The following DIXDC1 variants were observed in gnomAD, a reference collection of about 807,000 sequenced individuals.
DIXDC1 encodes DIX domain containing 1.
Under a neutral mutation model 103.1 loss-of-function variants are expected in DIXDC1, and 64 were observed. The ratio of observed to expected loss-of-function variants is 0.62; its 90% CI spans 0.51 to 0.76. The LOEUF is 0.76. Ranked by LOEUF, DIXDC1 falls within the 30% of genes least tolerant of loss-of-function variation. The pLI is 0.00. For missense variants in DIXDC1, 759 were observed against 834.2 expected (o/e 0.91, Z 1.11); for synonymous variants, 266 against 298.5 (o/e 0.89, Z 1.12).
rs587665361 is a variant in DIXDC1 at position 112,019,513 on chromosome 11, C to G, written c.*477C>G. 3.3e-5 allele frequency: 5 copies of G among 153,254 alleles called. No homozygotes were observed. The highest frequency in any genetic ancestry group is 1.2e-4 in the African/African-American group (5 of 41,576). 9.5% of individuals were successfully genotyped at this position (153,254 alleles called of 1,614,324 possible). ...CTTTTCTGTTTCTTTGAACCTACTG[C>G]AAACCAAGAATAACTCATGAGGTGG... On this transcript the variant is annotated 3_prime_UTR_variant, in exon 20 of 20. Coordinates refer to ENST00000440460, the MANE Select transcript of DIXDC1 (RefSeq NM_001037954.4).
intron 1 of DIXDC1, among the ~76,000 whole-genome samples, chr11:111,963,847 C>T (rs1555171251): frequency 6.6e-6 from 1 of 152,220 alleles, no homozygotes; most frequent in Non-Finnish European, 1.5e-5. Context: ...GAAAATGCCT[C>T]TTAGTCTTCA....
intron 17 of DIXDC1, among the ~76,000 whole-genome samples, chr11:112,011,352 G>T (rs1196127494): frequency 3.9e-5 from 6 of 152,222 alleles, no homozygotes; most frequent in Admixed American, 3.9e-4. Context: ...TTACACTGTT[G>T]ATGGAAGTGT....
At chr11:111,932,317 C>T (rs1008124810) in intron 2 of DIXDC1, among the ~76,000 whole-genome samples, 1 of 151,520 alleles carries the variant, frequency 6.6e-6, no homozygotes, top group East Asian at 1.9e-4. Flanking sequence ...GGATTACAGG[C>T]GTGAGCCACC....
At position 111,993,752 on chromosome 11, in the gene DIXDC1, C is replaced by T. The variant is rs1555174927; in HGVS notation, c.1437+12C>T. On this transcript the variant is annotated intron_variant, in intron 14 of 19. Coordinates refer to ENST00000440460, the MANE Select transcript of DIXDC1 (RefSeq NM_001037954.4). The stretch of plus-strand genomic sequence containing the variant: ...GAGAGGCAGATGAGGTAACCTAGAC[C>T]CCGTGTTCTCCCTCCCACATTTATG... 1.2e-6 allele frequency: 2 copies of T among 1,613,238 alleles called. No individual in the cohort carries two copies. Among genetic ancestry groups the T allele is most frequent in the African/African-American group, 1.3e-5 (1 of 75,028 alleles).
At chr11:111,964,499 G>T in intron 1 of DIXDC1, 50 bp from the exon 2 acceptor site, 1 of 1,554,244 alleles carries the variant, frequency 6.4e-7, no homozygotes, top group Non-Finnish European at 8.7e-7. Context: ...TGAGGTAAGG[G>T]TTGAGATTAA....
At chr11:111,928,001 G>A (rs1396253300) in intron 1 of DIXDC1, among the ~76,000 whole-genome samples, 1 of 111,532 alleles carries the variant, frequency 9.0e-6, no homozygotes, top group Admixed American at 1.2e-4. Context: ...GGGGGACACA[G>A]CAAGACTCCA....
At chr11:111,992,635 C>A in intron 11 of DIXDC1, 116 bp downstream of exon 11, 2 of 892,038 alleles carry the variant, frequency 2.2e-6, no homozygotes, top group Non-Finnish European at 3.4e-6. Context: ...GGGATGCCTG[C>A]CTTAAGTGTC....
intron 1 of DIXDC1, among the ~76,000 whole-genome samples, chr11:111,941,069 C>T (rs940884515): frequency 1.3e-5 from 2 of 152,090 alleles, no homozygotes; most frequent in African/African-American, 4.8e-5. Context: ...GTGCTGTGAC[C>T]GCACGTGACT....
Position 111,974,253 on chromosome 11 carries a change from A to C in DIXDC1, c.547A>C (p.Arg183=). ...SGRDVFRYRQ[R]NSSMDEEIEN... ...ACGGGATGTCTTTCGATATAGACAGAGGTAAGGGTAGAAATCTGGGGGTGG... is the reference window on the plus strand; with the variant it reads ...ACGGGATGTCTTTCGATATAGACAGCGGTAAGGGTAGAAATCTGGGGGTGG... Residue 183 remains arginine (R), a splice_region_variant and synonymous_variant, in exon 4 of 20, where the codon AGG becomes CGG. Coordinates refer to ENST00000440460, the MANE Select transcript of DIXDC1 (RefSeq NM_001037954.4). The C allele has an allele frequency of 6.2e-7, 1 of 1,611,422 alleles. No homozygotes were observed. The highest frequency in any genetic ancestry group is 8.5e-7 in the Non-Finnish European group (1 of 1,178,826).
chr11:111,952,500 A>C (rs1555170121), intron 1 of DIXDC1, among the ~76,000 whole-genome samples: 3 of 152,238 alleles, frequency 2.0e-5, no homozygotes, highest in East Asian at 1.9e-4. Context: ...TAGCCTGAGC[A>C]ACAAAGTGAG....
At chr11:111,946,361 G>C (rs879965434) in intron 1 of DIXDC1, among the ~76,000 whole-genome samples, 1 of 152,130 alleles carries the variant, frequency 6.6e-6, no homozygotes. Flanking sequence ...GCCCGCCTTG[G>C]CCTCCCAAAG....
chr11:111,997,979 C>G (rs1566557021), intron 17 of DIXDC1, among the ~76,000 whole-genome samples: 2 of 152,206 alleles, frequency 1.3e-5, no homozygotes, highest in South Asian at 4.1e-4. Context: ...TATTTGCTCT[C>G]TTTTCTTCCT....
intron 1 of DIXDC1, chr11:111,945,506 A>G (rs997932086): frequency 3.9e-5 from 6 of 152,384 alleles, no homozygotes; most frequent in Middle Eastern, 3.4e-3. Context: ...CAGCTACCCC[A>G]GGAGCTGTTA....
Position 112,017,884 on chromosome 11 carries a change from A to G in DIXDC1, c.1970A>G (p.Glu657Gly). The G allele has an allele frequency of 6.2e-7, 1 of 1,604,700 alleles. No individual in the cohort carries two copies. Among genetic ancestry groups the G allele is most frequent in the Non-Finnish European group, 8.5e-7 (1 of 1,174,796 alleles). The stretch of plus-strand genomic sequence containing the variant: ...CCTGAGTTTGGCACTGTCAAAGAGG[A>G]GGTAAAGAATCTGTGGGGAGTCTGT... ...LDPEFGTVKE[E>G]IFHDDDAIPG... is the part of the protein sequence containing the mutation. The change falls in exon 19 of 20, where the codon GAG becomes GGG. Residue 657 changes from glutamate to glycine, a missense_variant and splice_region_variant. Transcript: ENST00000440460. The surrounding 1 kb of genome is among the most constrained non-coding windows in gnomAD (Gnocchi z 4.0).
At chr11:111,930,850 T>TC (rs1491586670) in intron 2 of DIXDC1, among the ~76,000 whole-genome samples, 1 of 114,080 alleles carries the variant, frequency 8.8e-6, no homozygotes, top group African/African-American at 4.8e-5. Flanking sequence ...CTTTCTTTCC[T>TC]TTTTTTTTTT....
At chr11:111,937,132 G>GGGGGT (rs1555168219), upstream of DIXDC1, 3 of 369,520 alleles carry the variant, frequency 8.1e-6, no homozygotes, top group Non-Finnish European at 1.1e-5. Context: ...CGGCCCGGGC[G>GGGGGT]GGGGGGGGGT....
intron 1 of DIXDC1, among the ~76,000 whole-genome samples, chr11:111,961,787 A>G (rs1427981505): frequency 3.3e-5 from 5 of 152,254 alleles, no homozygotes; most frequent in Non-Finnish European, 7.3e-5. Flanking sequence ...AAATGTGACA[A>G]ATGATTAACT....
chr11:111,992,888 C>A, intron 11 of DIXDC1, 63 bp from the exon 12 acceptor site: 1 of 1,521,814 alleles, frequency 6.6e-7, no homozygotes, highest in Non-Finnish European at 8.9e-7. Context: ...TACTAAGTAG[C>A]TGGTTTCCTT....
chr11:111,935,315 G>A (rs980453859), upstream of DIXDC1, among the ~76,000 whole-genome samples: 21 of 152,326 alleles, frequency 1.4e-4, no homozygotes, highest in South Asian at 3.3e-3. Flanking sequence ...CTTGGGCCAA[G>A]TAAGGAAGTT....
Sources: gnomAD v4.1 joint callset for allele counts (sites outside exome capture counted in the v4.1 genomes callset) on GRCh38, gnomAD v4.1.1 for gene constraint, Gnocchi (gnomAD v3.1) non-coding constraint, MANE v1.5 for transcripts, NCBI Gene and HGNC (gene_info 2026-07-23, HGNC 2026-07-21) for gene names.